UBR2: variants seen among roughly 807,000 people sequenced by gnomAD.
UBR2 encodes the protein ubiquitin protein ligase E3 component n-recognin 2.
In UBR2, 92 loss-of-function variants were observed where a neutral mutation model predicts 247.9. The ratio of observed to expected loss-of-function variants is 0.37; its 90% confidence interval spans 0.31 to 0.44. UBR2 has a LOEUF of 0.44. Ranked by LOEUF, UBR2 falls within the 20% of genes least tolerant of loss-of-function variation. The pLI is 1.00. For missense variants in UBR2, 1,613 were observed against 2,112.6 expected (o/e 0.76, Z 4.64); for synonymous variants, 672 against 693.5 (o/e 0.97, Z 0.49).
chr6:42,612,450 T>C (rs1794149646), intron 8 of UBR2, among the ~76,000 whole-genome samples, 159 bp downstream of exon 8: 1 of 152,242 alleles, frequency 6.6e-6, no homozygotes, highest in South Asian at 2.1e-4. Context: ...GAAGAAAACC[T>C]ATGTTTAACA....
chr6:42,669,990 A>T, intron 34 of UBR2, 102 bp from the exon 35 acceptor site: 1 of 1,348,184 alleles, frequency 7.4e-7, no homozygotes. Flanking sequence ...GATATATGTT[A>T]AGTGGTTCAA....
intron 32 of UBR2, 44 bp downstream of exon 32, chr6:42,663,463 T>C (rs767010505): frequency 2.0e-6 from 3 of 1,527,056 alleles, no homozygotes; most frequent in African/African-American, 2.8e-5. Context: ...AATAGTTTGC[T>C]TTGAAGATAA....
At position 42,594,348 on chromosome 6, in the gene UBR2, TA is replaced by T. The variant is rs772173071; in HGVS notation, c.531+45del. ...AGTTGTTTTTAACCCAAGTTTGAAA[TA>T]TTTTGAGAAATAGTCATTAGATGAT... is the stretch of plus-strand genomic sequence containing the variant. On this transcript the variant is annotated intron_variant, in intron 4 of 46. Coordinates refer to ENST00000372901, the MANE Select transcript of UBR2 (RefSeq NM_001363705.2). 4.9e-5 allele frequency: 72 copies of T among 1,483,848 alleles called. 2 individuals carry two copies. In the South Asian group the frequency reaches 7.6e-4, roughly 16 times the overall value. The allele number at this position is 1,483,848 out of a possible 1,614,324, so 91.9% of individuals were successfully genotyped here.
At chr6:42,641,512 C>G (rs1396808552) in intron 16 of UBR2, 70 bp from the exon 17 acceptor site, 2 of 1,182,320 alleles carry the variant, frequency 1.7e-6, no homozygotes, top group Non-Finnish European at 2.4e-6. Flanking sequence ...ATCGACCAAA[C>G]TTCTTTTTAG....
intron 11 of UBR2, among the ~76,000 whole-genome samples, chr6:42,625,899 C>T (rs373254973): frequency 2.7e-5 from 4 of 150,138 alleles, no homozygotes; most frequent in African/African-American, 7.4e-5. Context: ...CTGCATGCTC[C>T]GCCTCCCGGG....
At position 42,564,295 on chromosome 6, in the gene UBR2, G is replaced by T; in HGVS notation, c.-25G>T. ...GGCTGCAGCTCTCCGGGCGGCGGTA[G>T]CGCTGGGGAGGAGGAGGAGAGAAGA... On this transcript the variant is annotated 5_prime_UTR_variant, in exon 1 of 47. Coordinates refer to ENST00000372901, the MANE Select transcript of UBR2 (RefSeq NM_001363705.2). 2 of 1,600,524 alleles carry T rather than the reference G, an allele frequency of 1.2e-6. No homozygotes were observed. The highest frequency in any genetic ancestry group is 1.7e-6 in the Non-Finnish European group (2 of 1,174,774).
intron 42 of UBR2, among the ~76,000 whole-genome samples, chr6:42,680,982 T>C (rs892655989): frequency 6.6e-6 from 1 of 151,922 alleles, no homozygotes; most frequent in African/African-American, 2.4e-5. Context: ...GCTAACACGA[T>C]GAAACCCCGT....
Position 42,667,719 on chromosome 6 carries a change from T to C in UBR2, c.3881+1474T>C, listed in dbSNP as rs1420823009. 8.1e-5 allele frequency among the ~76,000 whole-genome samples: 12 copies of C among 148,808 alleles called. No homozygotes were observed. In the East Asian group the frequency reaches 2.3e-3, roughly 29 times the overall value. ...TTTTCTATGTATTTTTTTTTTTTTT[T>C]CTGAATGGTGCAGTAGATCTATCCA... On this transcript the variant is annotated intron_variant, in intron 34 of 46. Transcript: ENST00000372901.
chr6:42,622,524 C>A (rs765732043), intron 11 of UBR2, among the ~76,000 whole-genome samples: 3 of 151,614 alleles, frequency 2.0e-5, no homozygotes, highest in Non-Finnish European at 4.4e-5. Context: ...GCCTCAGCCT[C>A]CCAAGTAGCT....
intron 4 of UBR2, among the ~76,000 whole-genome samples, chr6:42,602,300 T>G (rs562566211): frequency 1.3e-5 from 2 of 152,122 alleles, no homozygotes; most frequent in South Asian, 4.2e-4. Flanking sequence ...CCTCCTGGGT[T>G]CATGCCATTC....
rs746608800 is a variant in UBR2, at chr6:42,632,563, C to T, written c.1293C>T (p.Leu431=). The change falls in exon 12 of 47, where the codon CTC becomes CTT. Residue 431 remains leucine, a synonymous_variant. Coordinates refer to ENST00000372901, the MANE Select transcript of UBR2 (RefSeq NM_001363705.2). ...AACTTTGTTTTTAGGCTCGAATGCT[C>T]ATCACAGAAGAAAACTTAATGAGCA... ...IFTVPSLARM[L]ITEENLMSII... The T allele has an allele frequency of 2.4e-5, 39 of 1,604,732 alleles. 1 individual carries two copies. In the South Asian group the frequency reaches 3.6e-4, roughly 15 times the overall value.
rs1445216455 is a variant in UBR2, at chr6:42,659,150, T to C, written c.3242+326T>C. ...CTGTGAGGATTAAAGGAGATGGTTT[T>C]GATACATACCAAAGACTTGACAATC... is the stretch of plus-strand genomic sequence containing the variant. On this transcript the variant is annotated intron_variant, in intron 29 of 46. Coordinates refer to ENST00000372901, the MANE Select transcript of UBR2 (RefSeq NM_001363705.2). This position sits in a 1 kb window ranked among gnomAD's most constrained non-coding sequence, Gnocchi z 4.3. Among the ~76,000 whole-genome samples, 3 of 152,196 alleles carry C rather than the reference T, an allele frequency of 2.0e-5. No homozygotes were observed. The highest frequency in any genetic ancestry group is 7.2e-5 in the African/African-American group (3 of 41,452).
intron 34 of UBR2, among the ~76,000 whole-genome samples, chr6:42,669,454 C>T (rs1436489536): frequency 1.3e-5 from 2 of 152,064 alleles, no homozygotes; most frequent in East Asian, 1.9e-4. Flanking sequence ...TCTGTTAGCT[C>T]ACTGTTGCCC....
chr6:42,570,921 A>T (rs1396260063), intron 1 of UBR2, among the ~76,000 whole-genome samples: 6 of 151,756 alleles, frequency 4.0e-5, no homozygotes, highest in African/African-American at 1.5e-4. Flanking sequence ...TCTGAACTCA[A>T]ATGAGCCACC....
At chr6:42,570,800 C>T (rs1791076137) in intron 1 of UBR2, among the ~76,000 whole-genome samples, 1 of 151,974 alleles carries the variant, frequency 6.6e-6, no homozygotes. Flanking sequence ...CCTCCCACCT[C>T]AGCCTCCTGA....
chr6:42,661,926 A>ATT (rs1285416509), intron 30 of UBR2, among the ~76,000 whole-genome samples: 1 of 152,234 alleles, frequency 6.6e-6, no homozygotes, highest in East Asian at 1.9e-4. Context: ...GATTGGATAT[A>ATT]TTTAAATTCA....
chr6:42,635,314 G>C (rs1341967740), intron 13 of UBR2, 104 bp from the exon 14 acceptor site: 5 of 1,196,908 alleles, frequency 4.2e-6, no homozygotes, highest in Non-Finnish European at 5.8e-6. Context: ...TACCTTCTAT[G>C]TTTTTATAAT....
At chr6:42,645,250 C>G (rs1796686666) in intron 20 of UBR2, among the ~76,000 whole-genome samples, 1 of 152,158 alleles carries the variant, frequency 6.6e-6, no homozygotes, top group African/African-American at 2.4e-5. Flanking sequence ...AGAGCTCTCT[C>G]CACTACCTAA....
intron 44 of UBR2, among the ~76,000 whole-genome samples, chr6:42,686,847 C>T (rs574052253): frequency 1.0e-4 from 15 of 150,656 alleles, no homozygotes; most frequent in South Asian, 6.3e-4. Flanking sequence ...ACTTCTCAGA[C>T]GGGGCAGCCG....
Sources: gnomAD v4.1 joint callset for allele counts (sites outside exome capture counted in the v4.1 genomes callset) on GRCh38, gnomAD v4.1.1 for gene constraint, Gnocchi (gnomAD v3.1) non-coding constraint, MANE v1.5 for transcripts, NCBI Gene and HGNC (gene_info 2026-07-23, HGNC 2026-07-21) for gene names.